COP1: variants seen among roughly 807,000 people sequenced by gnomAD.
The protein encoded by COP1 is E3 ubiquitin-protein ligase COP1.
COP1 carries 24 observed loss-of-function variants against 101.3 expected under a neutral mutation model. The observed-to-expected ratio is 0.24, with a 90% confidence interval of 0.17 to 0.33. The LOEUF (loss-of-function observed/expected upper bound fraction) is 0.33, where lower values mean the gene tolerates loss of function less well. Ranked by LOEUF, COP1 falls within the 10% of genes least tolerant of loss-of-function variation. The pLI, the probability that COP1 is intolerant of heterozygous loss-of-function variation, is 1.00. For missense variants in COP1, 663 were observed against 906.2 expected, an observed-to-expected ratio of 0.73 and a Z score of 3.45; for synonymous variants, 347 against 341.9, an observed-to-expected ratio of 1.01 and a Z score of -0.17.
chr1:176,033,074 C>T lies in COP1; in HGVS notation c.1613-5386G>A, dbSNP rs138255422. On this transcript the variant is annotated intron_variant, in intron 14 of 19. Coordinates refer to ENST00000367669, the MANE Select transcript of COP1 (RefSeq NM_022457.7). Reference sequence around the variant, plus strand: ...AACTGATTTCTAAAATCTACCAAGACTTCACAGTTGTCACTTGTGCATTAA... The same window carrying T: ...AACTGATTTCTAAAATCTACCAAGATTTCACAGTTGTCACTTGTGCATTAA... 6.0e-3 allele frequency among the ~76,000 whole-genome samples: 919 copies of T among 152,244 alleles called. 6 individuals carry two copies. Among genetic ancestry groups the T allele is most frequent in the Non-Finnish European group, 9.5e-3 (645 of 68,026 alleles).
chr1:175,993,534 C>A (rs574560836), intron 15 of COP1, among the ~76,000 whole-genome samples: 14 of 152,180 alleles, frequency 9.2e-5, no homozygotes, highest in African/African-American at 3.4e-4. Context: ...ATAACCAATA[C>A]AGAGAAGTGC....
At chr1:176,181,455 C>A (rs1697744786) in intron 2 of COP1, among the ~76,000 whole-genome samples, 2 of 151,440 alleles carry the variant, frequency 1.3e-5, no homozygotes, top group Admixed American at 1.3e-4. Context: ...GTATAGCAAG[C>A]CTGATGTTGG....
chr1:176,005,614 G>A (rs1662957492), intron 15 of COP1, among the ~76,000 whole-genome samples: 1 of 152,200 alleles, frequency 6.6e-6, no homozygotes, highest in South Asian at 2.1e-4. Context: ...TATGTACCCA[G>A]TAGTCATTCA....
intron 9 of COP1, among the ~76,000 whole-genome samples, chr1:176,109,026 C>A (rs768124134): frequency 6.6e-6 from 1 of 151,912 alleles, no homozygotes; most frequent in Non-Finnish European, 1.5e-5. Flanking sequence ...GCTGGAGAAT[C>A]GCTTGAACCC....
At chr1:176,017,296 A>G (rs1439612501) in intron 15 of COP1, 2 of 152,196 alleles carry the variant, frequency 1.3e-5, no homozygotes, top group Non-Finnish European at 2.9e-5. Flanking sequence ...ATCAGACATC[A>G]AACTCAATTT....
intron 18 of COP1, among the ~76,000 whole-genome samples, chr1:175,974,294 G>C (rs528884555): frequency 1.3e-5 from 2 of 152,308 alleles, no homozygotes; most frequent in African/African-American, 4.8e-5. Context: ...ATACATACTG[G>C]TTTTGCATTT....
At chr1:176,164,136 G>A (rs963955289) in intron 3 of COP1, among the ~76,000 whole-genome samples, 3 of 152,138 alleles carry the variant, frequency 2.0e-5, no homozygotes, top group African/African-American at 7.2e-5. Context: ...TCCCTTACAT[G>A]TTTCTCAATG....
At chr1:176,018,969 G>A (rs544204757) in intron 15 of COP1, among the ~76,000 whole-genome samples, 9 of 151,046 alleles carry the variant, frequency 6.0e-5, no homozygotes, top group Middle Eastern at 3.4e-3. Context: ...AGTTCAAGAC[G>A]AGCCTGGCCA....
At chr1:176,176,868 A>G (rs1697015111) in intron 2 of COP1, among the ~76,000 whole-genome samples, 1 of 152,214 alleles carries the variant, frequency 6.6e-6, no homozygotes, top group Non-Finnish European at 1.5e-5. Flanking sequence ...ATATGTGGAT[A>G]TGAACAATCT....
chr1:176,000,609 T>C (rs1171436686), intron 15 of COP1, among the ~76,000 whole-genome samples: 2 of 152,054 alleles, frequency 1.3e-5, no homozygotes, highest in East Asian at 3.8e-4. Context: ...CATTATACAC[T>C]GCATGACTCT....
intron 11 of COP1, among the ~76,000 whole-genome samples, chr1:176,066,561 A>G (rs1676009013): frequency 6.6e-6 from 1 of 152,094 alleles, no homozygotes; most frequent in African/African-American, 2.4e-5. Context: ...CAATCCTACA[A>G]AATGTTTGTG....
chr1:176,124,472 C>T (rs1210658280), intron 8 of COP1, among the ~76,000 whole-genome samples: 3 of 139,508 alleles, frequency 2.2e-5, no homozygotes, highest in Non-Finnish European at 4.6e-5. Flanking sequence ...TCTCTATCTT[C>T]ACGAGTTCAA....
intron 11 of COP1, among the ~76,000 whole-genome samples, chr1:176,047,138 T>C (rs1480384804): frequency 2.0e-5 from 3 of 152,198 alleles, no homozygotes; most frequent in African/African-American, 7.2e-5. Context: ...CCAAAGGTAG[T>C]AAAAGTTGAA....
At chr1:176,184,247 T>C (rs1178748064) in intron 2 of COP1, among the ~76,000 whole-genome samples, 1 of 152,200 alleles carries the variant, frequency 6.6e-6, no homozygotes, top group Non-Finnish European at 1.5e-5. Flanking sequence ...TTTAATCCTG[T>C]ATTCTTTTTC....
At position 176,081,267 on chromosome 1, in the gene COP1, G is replaced by T. The variant is rs1474592774; in HGVS notation, c.1162C>A (p.Gln388Lys). 6.2e-7 allele frequency: 1 copy of T among 1,603,090 alleles called. No homozygotes were observed. The highest frequency in any genetic ancestry group is 8.5e-7 in the Non-Finnish European group (1 of 1,175,258). The stretch of plus-strand genomic sequence containing the variant: ...AAGCATTCCTGAAATTCATCCAACT[G>T]GCTTGCAGTTCGACTGTCATCTATA... ...RISDDSRTAS[Q>K]LDEFQECLSK... The change falls in exon 11 of 20, where the codon CAG (glutamine) becomes AAG (lysine). Residue 388 changes from glutamine to lysine, a missense_variant. By Grantham distance (53) the Gln-to-Lys change is moderately conservative. Coordinates refer to ENST00000367669, the MANE Select transcript of COP1 (RefSeq NM_022457.7).
intron 15 of COP1, among the ~76,000 whole-genome samples, chr1:176,002,341 T>C (rs1661849213): frequency 6.6e-6 from 1 of 152,012 alleles, no homozygotes. Context: ...TCTTTCTTTT[T>C]TAGTTTTTAT....
intron 14 of COP1, among the ~76,000 whole-genome samples, chr1:176,038,981 T>C (rs941696347): frequency 2.0e-5 from 3 of 152,166 alleles, no homozygotes; most frequent in Non-Finnish European, 4.4e-5. Flanking sequence ...TGGATGTAAC[T>C]GACATCTACA....
chr1:176,051,894 G>A (rs572348336), intron 11 of COP1, among the ~76,000 whole-genome samples: 16 of 151,924 alleles, frequency 1.1e-4, no homozygotes, highest in Non-Finnish European at 2.2e-4. Context: ...TTAGCCAAGG[G>A]TTATTGCAAA....
intron 9 of COP1, among the ~76,000 whole-genome samples, chr1:176,089,017 T>C (rs1285131950): frequency 1.5e-5 from 2 of 134,480 alleles, no homozygotes; most frequent in Non-Finnish European, 3.2e-5. Flanking sequence ...AAAAAATCTA[T>C]TTAGGCCGGG....
Sources: allele counts gnomAD v4.1 joint callset (sites outside exome capture counted in the v4.1 genomes callset), GRCh38; gene constraint gnomAD v4.1.1; transcripts MANE v1.5; gene names NCBI Gene and HGNC (gene_info 2026-07-23, HGNC 2026-07-21).